Variants in FGL1 observed in about 807,000 individuals in gnomAD.
FGL1 encodes the protein fibrinogen like 1, also known as fibrinogen-like protein 1.
In FGL1, 59 loss-of-function variants were observed where a neutral mutation model predicts 43.7. The ratio of observed to expected loss-of-function variants is 1.35; its 90% CI spans 1.10 to 1.68. The LOEUF is 1.68. Ranked by LOEUF, FGL1 falls within the 40% of genes most tolerant of loss-of-function variation. The probability of loss-of-function intolerance (pLI) is 0.00; values close to 1 mark genes in which losing one functional copy is unlikely to be tolerated. For synonymous variants in FGL1, 192 were observed against 126.5 expected, an observed-to-expected ratio of 1.52 and a Z score of -3.48; for missense variants, 596 against 373.0, an observed-to-expected ratio of 1.60 and a Z score of -4.92.
intron 1 of FGL1, among the ~76,000 whole-genome samples, chr8:17,889,505 G>T (rs2053676374): frequency 6.6e-6 from 1 of 152,142 alleles, no homozygotes; most frequent in Non-Finnish European, 1.5e-5. Flanking sequence ...AGCTGAGATT[G>T]TCTCACTGTA....
At chr8:17,875,963 G>A (rs1258038103) in intron 3 of FGL1, among the ~76,000 whole-genome samples, 2 of 152,000 alleles carry the variant, frequency 1.3e-5, no homozygotes, top group African/African-American at 4.8e-5. Flanking sequence ...ATACCCATTG[G>A]GTCTCACCTA....
chr8:17,871,459 C>G (rs1475957812), intron 5 of FGL1, among the ~76,000 whole-genome samples: 1 of 147,048 alleles, frequency 6.8e-6, no homozygotes, highest in Non-Finnish European at 1.5e-5. Context: ...TGCCACTGCA[C>G]TCCAGCTTGG....
chr8:17,885,810 G>A (rs954245147), intron 1 of FGL1: 5 of 457,564 alleles, frequency 1.1e-5, no homozygotes, highest in East Asian at 3.7e-5. Flanking sequence ...GGTTCTTTTC[G>A]CTATCCTAAT....
Position 17,886,624 on chromosome 8 carries a change from G to A in FGL1, c.-17-1053C>T, listed in dbSNP as rs567199136. Among the ~76,000 whole-genome samples, 452 of 152,262 alleles carry A rather than the reference G, an allele frequency of 3.0e-3. 3 individuals are homozygous for A. The highest frequency in any genetic ancestry group is 0.01 in the Middle Eastern group (3 of 294). On this transcript the variant is annotated intron_variant, in intron 1 of 7. Transcript: ENST00000427924. Reference sequence around the variant, plus strand: ...AATACAAAAATTAGCCAGGCGTGGTGGTGGGCGCCTGTACTCCCAGCCACT... The same window carrying A: ...AATACAAAAATTAGCCAGGCGTGGTAGTGGGCGCCTGTACTCCCAGCCACT...
At chr8:17,885,732 A>C (rs1202049085) in intron 1 of FGL1, 161 bp from the exon 2 acceptor site, 60 of 593,398 alleles carry the variant, frequency 1.0e-4, no homozygotes, top group Non-Finnish European at 1.3e-4. Context: ...GCCTCTCACC[A>C]CACAGAATGA....
chr8:17,882,196 A>T lies in FGL1; in HGVS notation c.64-17T>A. 1 of 1,609,286 alleles carries T rather than the reference A, an allele frequency of 6.2e-7. No homozygotes were observed. Among genetic ancestry groups the T allele is most frequent in the Non-Finnish European group, 8.5e-7 (1 of 1,178,126 alleles). ...CTCGAGCGCCTGCAAAACAGGTGAGATGAGATGAGTATGCACCTCATTTTC... is the reference window on the plus strand; with the variant it reads ...CTCGAGCGCCTGCAAAACAGGTGAGTTGAGATGAGTATGCACCTCATTTTC... On this transcript the variant is annotated splice_polypyrimidine_tract_variant and intron_variant, in intron 2 of 7. Coordinates refer to ENST00000427924, the MANE Select transcript of FGL1 (RefSeq NM_004467.4).
At chr8:17,890,645 G>A (rs964085097) in intron 1 of FGL1, among the ~76,000 whole-genome samples, 2 of 152,056 alleles carry the variant, frequency 1.3e-5, no homozygotes, top group African/African-American at 2.4e-5. Context: ...AATTTACCCA[G>A]TAAAGATCTG....
At chr8:17,890,955 T>C (rs543187854) in intron 1 of FGL1, among the ~76,000 whole-genome samples, 7 of 152,212 alleles carry the variant, frequency 4.6e-5, no homozygotes, top group African/African-American at 1.7e-4. Context: ...AAGATGAGAT[T>C]TGGGTGGAGA....
intron 2 of FGL1, among the ~76,000 whole-genome samples, chr8:17,884,648 T>C (rs1399787378): frequency 6.6e-6 from 1 of 152,204 alleles, no homozygotes; most frequent in African/African-American, 2.4e-5. Context: ...TGAGTTGTTT[T>C]ACAACAGTGG....
At chr8:17,873,625 T>C (rs868272809) in intron 5 of FGL1, among the ~76,000 whole-genome samples, 1 of 151,838 alleles carries the variant, frequency 6.6e-6, no homozygotes, top group Admixed American at 6.6e-5. Context: ...CAAAAAGGAA[T>C]AATTATGACA....
At chr8:17,893,422 G>A (rs2053734204) in intron 1 of FGL1, among the ~76,000 whole-genome samples, 1 of 149,552 alleles carries the variant, frequency 6.7e-6, no homozygotes, top group Non-Finnish European at 1.5e-5. Context: ...ATATATTATA[G>A]ATTATATTAT....
intron 3 of FGL1, among the ~76,000 whole-genome samples, chr8:17,875,532 TTTC>T (rs1563452337): frequency 1.4e-3 from 20 of 14,462 alleles, no homozygotes; most frequent in South Asian, 3.1e-3. Flanking sequence ...TCTTTCTTTC[TTTC>T]TCTTTCTTTC....
At chr8:17,883,222 C>T (rs1324817238) in intron 2 of FGL1, among the ~76,000 whole-genome samples, 4 of 40,898 alleles carry the variant, frequency 9.8e-5, no homozygotes, top group East Asian at 1.5e-3. Context: ...TAATATATAT[C>T]ATATATAATA....
Position 17,886,039 on chromosome 8 carries a change from C to T in FGL1, c.-17-468G>A, listed in dbSNP as rs562506457. 3.9e-5 allele frequency among the ~76,000 whole-genome samples: 6 copies of T among 152,270 alleles called. No homozygotes were observed. The South Asian group carries it at 1.2e-3, about 32-fold the overall frequency. Reference sequence around the variant, plus strand: ...AAAGTGCTGGGATTACAGGCGTGAGCCACTGCCTAGAGTAAGATTTTTGAA... The same window carrying T: ...AAAGTGCTGGGATTACAGGCGTGAGTCACTGCCTAGAGTAAGATTTTTGAA... On this transcript the variant is annotated intron_variant, in intron 1 of 7. Transcript: ENST00000427924.
At chr8:17,895,333 G>C in intron 1 of FGL1, 114 bp downstream of exon 1, 1 of 1,157,472 alleles carries the variant, frequency 8.6e-7, no homozygotes, top group South Asian at 1.8e-5. Flanking sequence ...TAGTCAACCT[G>C]ACTTCTTGCA....
At chr8:17,894,622 G>A (rs370568313) in intron 1 of FGL1, among the ~76,000 whole-genome samples, 9 of 145,876 alleles carry the variant, frequency 6.2e-5, no homozygotes, top group Non-Finnish European at 4.4e-5. Flanking sequence ...TATCATTTAC[G>A]TCAAACTCCC....
At position 17,868,981 on chromosome 8, in the gene FGL1, G is replaced by A. The variant is rs1386844993; in HGVS notation, c.526C>T (p.Leu176Phe). Residue 176 changes from leucine (L) to phenylalanine (F), a missense_variant, in exon 6 of 8, where the codon CTT (leucine) becomes TTT (phenylalanine). Coordinates refer to ENST00000427924, the MANE Select transcript of FGL1 (RefSeq NM_004467.4). ...TQEDYTLKID[L>F]ADFEKNSRYA... ...CGGCTATTTTTTTCAAAATCTGCAA[G>A]GTCGATTTTTAAAGTGTAGTCTTCT... The A allele has an allele frequency of 3.1e-6, 5 of 1,601,154 alleles. No homozygotes were observed. Among genetic ancestry groups the A allele is most frequent in the Admixed American group, 3.5e-5 (2 of 57,670 alleles).
In FGL1 at chr8:17,882,160, T is replaced by C; in HGVS notation, c.83A>G (p.Gln28Arg). Residue 28 changes from glutamine (Q) to arginine (R), a missense_variant, in exon 3 of 8, where the codon CAG (glutamine) becomes CGG (arginine). Coordinates refer to ENST00000427924, the MANE Select transcript of FGL1 (RefSeq NM_004467.4). Reference sequence around the variant, plus strand: ...CTGGGCTCTGAGCCGCATCTGCTCCTGGGCACAGTCCTCGAGCGCCTGCAA... The same window carrying C: ...CTGGGCTCTGAGCCGCATCTGCTCCCGGGCACAGTCCTCGAGCGCCTGCAA... ...REISALEDCA[Q>R]EQMRLRAQVR... 6.2e-7 allele frequency: 1 copy of C among 1,613,856 alleles called. No homozygotes were observed. Among genetic ancestry groups the C allele is most frequent in the Non-Finnish European group, 8.5e-7 (1 of 1,179,976 alleles).
At chr8:17,866,387 T>G (rs1195721020) in intron 7 of FGL1, among the ~76,000 whole-genome samples, 3 of 152,100 alleles carry the variant, frequency 2.0e-5, no homozygotes, top group Non-Finnish European at 2.9e-5. Flanking sequence ...ATTTATGAAG[T>G]GCCAACATTT....
Sources: allele counts gnomAD v4.1 joint callset (sites outside exome capture counted in the v4.1 genomes callset), GRCh38; gene constraint gnomAD v4.1.1; transcripts MANE v1.5; gene names NCBI Gene and HGNC (gene_info 2026-07-23, HGNC 2026-07-21).